Variants in UMODL1 observed in about 807,000 individuals in gnomAD.
The protein encoded by UMODL1 is uromodulin like 1.
UMODL1 carries 128 observed loss-of-function variants against 136.3 expected under a neutral mutation model. The ratio of observed to expected loss-of-function variants is 0.94; its 90% CI spans 0.81 to 1.09. UMODL1 has a LOEUF of 1.09. UMODL1 is among the 50% of genes least tolerant of loss of function. The pLI is 0.00. For synonymous variants in UMODL1, 721 were observed against 720.0 expected (o/e 1.00, Z -0.02); for missense variants, 1,766 against 1,725.6 (o/e 1.02, Z -0.41).
intron 12 of UMODL1, among the ~76,000 whole-genome samples, chr21:42,112,431 G>T (rs2066846044): frequency 6.7e-6 from 1 of 148,478 alleles, no homozygotes; most frequent in African/African-American, 2.5e-5. Flanking sequence ...CAGCTGTTCT[G>T]CATCCCCAGC....
intron 6 of UMODL1, among the ~76,000 whole-genome samples, chr21:42,096,286 G>T (rs1244717924): frequency 6.6e-6 from 1 of 152,150 alleles, no homozygotes; most frequent in Non-Finnish European, 1.5e-5. Context: ...TACCCCAAAT[G>T]CTTGCAATCT....
intron 22 of UMODL1, among the ~76,000 whole-genome samples, chr21:42,139,988 A>G (rs2067257728): frequency 6.6e-6 from 1 of 152,118 alleles, no homozygotes; most frequent in African/African-American, 2.4e-5. Flanking sequence ...GCCTTTTGGA[A>G]ACGTGTGCTG....
intron 21 of UMODL1, among the ~76,000 whole-genome samples, chr21:42,130,729 G>T (rs1351951831): frequency 6.6e-6 from 1 of 152,108 alleles, no homozygotes; most frequent in South Asian, 2.1e-4. Context: ...TTAGGGCTGT[G>T]GGGCCCAGTC....
At chr21:42,077,866 G>A (rs1405563428) in intron 2 of UMODL1, among the ~76,000 whole-genome samples, 1 of 152,188 alleles carries the variant, frequency 6.6e-6, no homozygotes, top group Non-Finnish European at 1.5e-5. Flanking sequence ...CCGCAAACCA[G>A]GGTGTCTGCC....
chr21:42,116,111 G>T, intron 14 of UMODL1, 126 bp downstream of exon 14: 3 of 501,904 alleles, frequency 6.0e-6, no homozygotes, highest in Non-Finnish European at 1.0e-5. Context: ...GAGGCGGGCA[G>T]ATTGCCTGAG....
At chr21:42,128,224 T>G (rs996665504) in intron 20 of UMODL1, 1 of 301,216 alleles carries the variant, frequency 3.3e-6, no homozygotes, top group Non-Finnish European at 6.5e-6. Context: ...TCAGACACTC[T>G]GTTATTTAAT....
chr21:42,124,337 G>A (rs917894890), intron 17 of UMODL1, among the ~76,000 whole-genome samples: 30 of 152,270 alleles, frequency 2.0e-4, no homozygotes, highest in East Asian at 7.7e-4. Flanking sequence ...AGGGGCCGGC[G>A]GCTTCAGAGG....
At chr21:42,084,833 G>T (rs62215119) in intron 3 of UMODL1, among the ~76,000 whole-genome samples, 17 of 87,630 alleles carry the variant, frequency 1.9e-4, no homozygotes, top group South Asian at 3.8e-4. Context: ...CAGATATTAT[G>T]ATAATACTAT....
chr21:42,082,689 A>G (rs1262217193), intron 2 of UMODL1, among the ~76,000 whole-genome samples: 1 of 152,002 alleles, frequency 6.6e-6, no homozygotes. Flanking sequence ...CCGTCCTGGG[A>G]GATGGGGTCA....
In UMODL1 at chr21:42,076,292, C is replaced by T. The variant is rs113011140; in HGVS notation, c.319+45C>T. ...GCTGGGGCGGGGCCACCCTTGCCGT[C>T]GAGACGCCTGATGGGACAGTCACCG... On this transcript the variant is annotated intron_variant, in intron 2 of 22. Transcript: ENST00000408910. 384 of 1,607,106 alleles carry T rather than the reference C, an allele frequency of 2.4e-4. 1 individual carries two copies. The African/African-American group carries it at 4.1e-3, about 17-fold the overall frequency.
At position 42,072,766 on chromosome 21, in the gene UMODL1, C is replaced by T. The variant is rs144055414; in HGVS notation, c.76+1374C>T. ...GTGAGCCTGGGTGTGAGCACAGGTC[C>T]ATCTGACCCCAGGACTCTTGTTGGC... On this transcript the variant is annotated intron_variant, in intron 1 of 22. Coordinates refer to ENST00000408910, the MANE Select transcript of UMODL1 (RefSeq NM_001004416.3). Among the ~76,000 whole-genome samples the T allele has an allele frequency of 3.5e-4, 53 of 152,330 alleles. No homozygotes were observed. The East Asian group carries it at 9.6e-3, about 28-fold the overall frequency.
chr21:42,089,550 G>A (rs1184635914), intron 5 of UMODL1, among the ~76,000 whole-genome samples: 1 of 152,252 alleles, frequency 6.6e-6, no homozygotes, highest in Non-Finnish European at 1.5e-5. Flanking sequence ...CTCAGTAGGA[G>A]ATTGTTAGAA....
At position 42,075,901 on chromosome 21, in the gene UMODL1, A is replaced by G; in HGVS notation, c.77-104A>G. Reference sequence around the variant, plus strand: ...TCTGAGAGGCCTGCGCGAGTGCGGGAGGTGTGCTCTCACTTGCTATTGCAG... The same window carrying G: ...TCTGAGAGGCCTGCGCGAGTGCGGGGGGTGTGCTCTCACTTGCTATTGCAG... On this transcript the variant is annotated intron_variant, in intron 1 of 22. Coordinates refer to ENST00000408910, the MANE Select transcript of UMODL1 (RefSeq NM_001004416.3). 2.0e-6 allele frequency: 3 copies of G among 1,517,366 alleles called. No homozygotes were observed. The South Asian group carries it at 3.7e-5, about 19-fold the overall frequency. 94.0% of individuals were successfully genotyped at this position (1,517,366 alleles called of 1,614,324 possible). A position where few individuals can be genotyped will look rare whatever the true frequency, so the allele number is the denominator to read the frequency against.
At chr21:42,108,971 T>G (rs1569160337) in intron 9 of UMODL1, among the ~76,000 whole-genome samples, 7 of 59,650 alleles carry the variant, frequency 1.2e-4, no homozygotes, top group South Asian at 6.6e-4. Context: ...TCCTGGCATG[T>G]AAAGCTGGTG....
In UMODL1 at chr21:42,127,836, G is replaced by A. The variant is rs2067082388; in HGVS notation, c.3690+5G>A. On this transcript the variant is annotated splice_donor_5th_base_variant and intron_variant, in intron 20 of 22. Coordinates refer to ENST00000408910, the MANE Select transcript of UMODL1 (RefSeq NM_001004416.3). ...CCCGGAGCCACGTGCAAAATCGTAAGTGTTTTTTGGTTTTCTAAACGTTTG... is the reference window on the plus strand; with the variant it reads ...CCCGGAGCCACGTGCAAAATCGTAAATGTTTTTTGGTTTTCTAAACGTTTG... 1 of 1,610,350 alleles carries A rather than the reference G, an allele frequency of 6.2e-7. No individual in the cohort carries two copies. Among genetic ancestry groups the A allele is most frequent in the Non-Finnish European group, 8.5e-7 (1 of 1,178,550 alleles).
intron 22 of UMODL1, among the ~76,000 whole-genome samples, chr21:42,138,679 G>A (rs546521272): frequency 2.6e-5 from 4 of 152,060 alleles, no homozygotes; most frequent in Non-Finnish European, 4.4e-5. Flanking sequence ...AGGTTAAAGC[G>A]ATTCTCCTGT....
At chr21:42,134,580 T>C (rs901063276) in intron 21 of UMODL1, among the ~76,000 whole-genome samples, 11 of 152,066 alleles carry the variant, frequency 7.2e-5, no homozygotes, top group African/African-American at 2.7e-4. Flanking sequence ...TGAACGCGGG[T>C]TCTTTTTTAA....
chr21:42,106,180 A>G (rs1315821733), intron 9 of UMODL1, among the ~76,000 whole-genome samples: 1 of 152,196 alleles, frequency 6.6e-6, no homozygotes, highest in Non-Finnish European at 1.5e-5. Flanking sequence ...TTCGGACGCC[A>G]GAGTCGGGGG....
chr21:42,126,737 C>T (rs1351252746), intron 18 of UMODL1, among the ~76,000 whole-genome samples: 1 of 152,198 alleles, frequency 6.6e-6, no homozygotes, highest in African/African-American at 2.4e-5. Context: ...TGGCAGGCCG[C>T]CACCCAAGCC....
Sources: gnomAD v4.1 joint callset for allele counts (sites outside exome capture counted in the v4.1 genomes callset) on GRCh38, gnomAD v4.1.1 for gene constraint, MANE v1.5 for transcripts, NCBI Gene and HGNC (gene_info 2026-07-23, HGNC 2026-07-21) for gene names.